FIGN: variants seen among roughly 807,000 people sequenced by gnomAD.
FIGN encodes the protein fidgetin.
FIGN carries 11 observed loss-of-function variants against 51.3 expected under a neutral mutation model. The observed-to-expected ratio is 0.21, with a 90% CI of 0.13 to 0.35. The LOEUF (loss-of-function observed/expected upper bound fraction) is 0.35. Ranked by LOEUF, FIGN falls within the 10% of genes least tolerant of loss-of-function variation. The pLI, the probability that FIGN is intolerant of heterozygous loss-of-function variation, is 1.00. For synonymous variants in FIGN, 407 were observed against 363.2 expected (o/e 1.12, Z -1.37); for missense variants, 857 against 943.6 (o/e 0.91, Z 1.20).
At position 163,610,617 on chromosome 2, in the gene FIGN, A is replaced by T; in HGVS notation, c.1215T>A (p.Ser405Arg). The T allele has an allele frequency of 6.2e-7, 1 of 1,614,208 alleles. No individual in the cohort carries two copies. The highest frequency in any genetic ancestry group is 8.5e-7 in the Non-Finnish European group (1 of 1,180,032). ...TTGATCCCAATGAATTTTTAGCAGT[A>T]CTGTAGGAAGGAGGGGTCAGAGCCC... Reference protein sequence around the residue: ...SSRALTPPSYSTAKNSLGSRS... With the variant: ...SSRALTPPSYRTAKNSLGSRS... Residue 405 changes from serine to arginine, a missense_variant, in exon 3 of 3, where the codon AGT becomes AGA. Coordinates refer to ENST00000333129, the MANE Select transcript of FIGN (RefSeq NM_018086.4).
intron 2 of FIGN, chr2:163,612,692 A>ATG (rs10678331): frequency 0.086 from 32,876 of 383,966 alleles, 2,665 homozygotes; most frequent in East Asian, 0.37. Context: ...AGAGGGGAGA[A>ATG]TGTGTGTGTG....
intron 2 of FIGN, among the ~76,000 whole-genome samples, chr2:163,666,955 A>ATG (rs1390273627): frequency 2.6e-5 from 4 of 151,822 alleles, no homozygotes; most frequent in Non-Finnish European, 5.9e-5. Context: ...ATGTGTGTGT[A>ATG]TGTGTATATA....
At chr2:163,696,441 A>G (rs796161823) in intron 2 of FIGN, among the ~76,000 whole-genome samples, 55 of 152,264 alleles carry the variant, frequency 3.6e-4, no homozygotes, top group African/African-American at 1.2e-3. Flanking sequence ...TTATCACTTA[A>G]GGCCCAACTT....
chr2:163,734,952 G>C lies in FIGN; in HGVS notation c.-25C>G. ...TTTCTTGCTGGCAGCACAAAAAGCT[G>C]AATTGGATTTCTCACAAGCAGGAAT... On this transcript the variant is annotated 5_prime_UTR_variant, in exon 2 of 3. Coordinates refer to ENST00000333129, the MANE Select transcript of FIGN (RefSeq NM_018086.4). The C allele has an allele frequency of 6.2e-7, 1 of 1,610,680 alleles. No homozygotes were observed. Among genetic ancestry groups the C allele is most frequent in the African/African-American group, 1.3e-5 (1 of 74,840 alleles).
In FIGN at chr2:163,605,298, G is replaced by A. The variant is rs1394552242; in HGVS notation, c.*4254C>T. On this transcript the variant is annotated 3_prime_UTR_variant, in exon 3 of 3. Transcript: ENST00000333129. Reference sequence around the variant, plus strand: ...GGTTCAAAATCGAATGTCAACCAAAGGTCTTAGCAAAGTGTGAGCTTCAGT... The same window carrying A: ...GGTTCAAAATCGAATGTCAACCAAAAGTCTTAGCAAAGTGTGAGCTTCAGT... The A allele has an allele frequency of 6.6e-6, 1 of 152,058 alleles. No homozygotes were observed. The highest frequency in any genetic ancestry group is 1.5e-5 in the Non-Finnish European group (1 of 68,002). The allele number at this position is 152,058 out of a possible 1,614,324, so 9.4% of individuals were successfully genotyped here.
intron 2 of FIGN, among the ~76,000 whole-genome samples, chr2:163,697,405 T>A (rs1684339345): frequency 6.6e-6 from 1 of 152,074 alleles, no homozygotes. Context: ...CCAGCCTCTG[T>A]GTCATGATTA....
At chr2:163,735,632 C>T (rs1308453450) in intron 1 of FIGN, among the ~76,000 whole-genome samples, 1 of 152,102 alleles carries the variant, frequency 6.6e-6, no homozygotes, top group East Asian at 1.9e-4. Flanking sequence ...CAAAAATATG[C>T]ATTATAATGT....
At position 163,603,312 on chromosome 2, in the gene FIGN, G is replaced by A. The variant is rs972908110; in HGVS notation, c.*6240C>T. The A allele has an allele frequency of 6.6e-6, 1 of 152,030 alleles. No individual in the cohort carries two copies. Among genetic ancestry groups the A allele is most frequent in the Non-Finnish European group, 1.5e-5 (1 of 67,978 alleles). 9.4% of individuals were successfully genotyped at this position (152,030 alleles called of 1,614,324 possible). On this transcript the variant is annotated 3_prime_UTR_variant, in exon 3 of 3. Transcript: ENST00000333129. ...CCCAAAGAAACATGTACTATATAGG[G>A]CTTTTCTTCTTTCAAGGGGTCAAAA... is the stretch of plus-strand genomic sequence containing the variant.
intron 1 of FIGN, 75 bp from the exon 2 acceptor site, chr2:163,735,147 G>GA (rs1323349038): frequency 1.9e-6 from 1 of 528,218 alleles, no homozygotes; most frequent in Non-Finnish European, 3.3e-6. Flanking sequence ...AGAAAGAAAG[G>GA]AAAAAAAGCA....
intron 2 of FIGN, among the ~76,000 whole-genome samples, chr2:163,686,991 T>G (rs867377115): frequency 1.3e-5 from 2 of 150,066 alleles, no homozygotes; most frequent in South Asian, 2.1e-4. Flanking sequence ...TTTTATATTA[T>G]GATGTATGTG....
intron 2 of FIGN, among the ~76,000 whole-genome samples, chr2:163,716,847 A>T (rs545258175): frequency 6.6e-6 from 1 of 152,198 alleles, no homozygotes; most frequent in African/African-American, 2.4e-5. Context: ...ATTTATCCTA[A>T]AGCAAGTGAC....
intron 2 of FIGN, among the ~76,000 whole-genome samples, chr2:163,651,419 G>C (rs1573927132): frequency 6.6e-6 from 1 of 152,240 alleles, no homozygotes; most frequent in East Asian, 1.9e-4. Context: ...TCAAGCCACT[G>C]CACTCCAGCC....
intron 2 of FIGN, among the ~76,000 whole-genome samples, chr2:163,659,477 C>T (rs1225354118): frequency 6.6e-6 from 1 of 152,142 alleles, no homozygotes; most frequent in Non-Finnish European, 1.5e-5. Flanking sequence ...GATTCAGATA[C>T]TCATGGGCAG....
chr2:163,734,436 A>G (rs1474316667), intron 2 of FIGN, among the ~76,000 whole-genome samples: 1 of 151,944 alleles, frequency 6.6e-6, no homozygotes, highest in Non-Finnish European at 1.5e-5. Flanking sequence ...ATAGATTGAG[A>G]AAAATAAAAT....
At chr2:163,717,829 G>T (rs1684693133) in intron 2 of FIGN, among the ~76,000 whole-genome samples, 1 of 152,086 alleles carries the variant, frequency 6.6e-6, no homozygotes, top group Non-Finnish European at 1.5e-5. Context: ...TTCATTAGAA[G>T]GTTATTCATT....
intron 2 of FIGN, among the ~76,000 whole-genome samples, chr2:163,689,046 G>C (rs1376850625): frequency 2.0e-5 from 3 of 152,068 alleles, no homozygotes; most frequent in African/African-American, 7.2e-5. Flanking sequence ...TGTAGTCCTA[G>C]CTAGTTGGTA....
chr2:163,684,205 A>G (rs547815095), intron 2 of FIGN, among the ~76,000 whole-genome samples: 1 of 152,302 alleles, frequency 6.6e-6, no homozygotes, highest in South Asian at 2.1e-4. Flanking sequence ...TGTAAACAAT[A>G]TATTATTCAG....
At chr2:163,658,604 G>A (rs777060238) in intron 2 of FIGN, among the ~76,000 whole-genome samples, 1 of 152,138 alleles carries the variant, frequency 6.6e-6, no homozygotes, top group Non-Finnish European at 1.5e-5. Context: ...GACATGGCAA[G>A]AAAGAGAGGG....
chr2:163,726,896 T>C (rs1684846073), intron 2 of FIGN, among the ~76,000 whole-genome samples: 1 of 152,092 alleles, frequency 6.6e-6, no homozygotes, highest in Non-Finnish European at 1.5e-5. Flanking sequence ...AGAATAATAG[T>C]ACTGTTTATT....
Sources: gnomAD v4.1 joint callset for allele counts (sites outside exome capture counted in the v4.1 genomes callset) on GRCh38, gnomAD v4.1.1 for gene constraint, MANE v1.5 for transcripts, NCBI Gene and HGNC (gene_info 2026-07-23, HGNC 2026-07-21) for gene names.